Variants in SGCE observed in about 807,000 individuals in gnomAD.
The protein encoded by SGCE is sarcoglycan epsilon.
Under a neutral mutation model 57.8 loss-of-function variants are expected in SGCE, and 26 were observed. The ratio of observed to expected loss-of-function variants is 0.45; its 90% CI spans 0.33 to 0.62. The LOEUF is 0.62. Among genes scored for constraint, SGCE ranks in the 20% least tolerant of loss-of-function variants. The probability of loss-of-function intolerance (pLI) is 0.02; values close to 1 mark genes in which losing one functional copy is unlikely to be tolerated. For missense variants in SGCE, 468 were observed against 548.6 expected (o/e 0.85, Z 1.47); for synonymous variants, 183 against 189.5 (o/e 0.97, Z 0.28).
At chr7:94,620,929 T>G (rs923071787) in intron 4 of SGCE, 29 of 152,356 alleles carry the variant, frequency 1.9e-4, no homozygotes, top group African/African-American at 6.7e-4. Context: ...CCTGCTATAT[T>G]TGGAAATCAC....
chr7:94,610,518 CA>C (rs963394494), intron 5 of SGCE, among the ~76,000 whole-genome samples: 15 of 151,806 alleles, frequency 9.9e-5, no homozygotes, highest in African/African-American at 1.9e-4. Flanking sequence ...AGTATACGCA[CA>C]AAAAAATCAA....
At chr7:94,637,628 C>T (rs1033356823) in intron 1 of SGCE, among the ~76,000 whole-genome samples, 1 of 152,110 alleles carries the variant, frequency 6.6e-6, no homozygotes, top group East Asian at 1.9e-4. Context: ...AAATGCATTT[C>T]CCTGAGAACA....
intron 5 of SGCE, among the ~76,000 whole-genome samples, chr7:94,605,394 AATTG>A (rs1427724671): frequency 4.6e-5 from 7 of 152,190 alleles, no homozygotes; most frequent in African/African-American, 1.4e-4. Context: ...TATTTTTCTT[AATTG>A]ATCTAACAGA....
chr7:94,654,359 A>G (rs1808293293), intron 1 of SGCE, among the ~76,000 whole-genome samples: 1 of 152,184 alleles, frequency 6.6e-6, no homozygotes, highest in Admixed American at 6.5e-5. Flanking sequence ...CTCAATTTTT[A>G]GAAAAATAAT....
At position 94,628,363 on chromosome 7, in the gene SGCE, G is replaced by A. The variant is rs773410465; in HGVS notation, c.233-4C>T. 6.9e-6 allele frequency: 11 copies of A among 1,603,008 alleles called. No homozygotes were observed. Among genetic ancestry groups the A allele is most frequent in the South Asian group, 3.3e-5 (3 of 90,740 alleles). ...ATGGGATCATTACTAATCTCGCCTA[G>A]ATAAGAAACAGAGAATTAAGACATA... On this transcript the variant is annotated splice_region_variant and splice_polypyrimidine_tract_variant and intron_variant, in intron 2 of 10. Coordinates refer to ENST00000648936, the MANE Select transcript of SGCE (RefSeq NM_003919.3).
intron 1 of SGCE, among the ~76,000 whole-genome samples, chr7:94,651,045 G>A (rs1347550738): frequency 6.6e-6 from 1 of 152,106 alleles, no homozygotes; most frequent in African/African-American, 2.4e-5. Context: ...TAATTTTTGT[G>A]ACATATGGAC....
At chr7:94,622,769 G>A (rs1214969040) in intron 4 of SGCE, 3 of 151,992 alleles carry the variant, frequency 2.0e-5, no homozygotes, top group Non-Finnish European at 4.4e-5. Context: ...TACAATTTGA[G>A]CATATGAAAC....
chr7:94,637,156 A>G (rs1805705821), intron 1 of SGCE, among the ~76,000 whole-genome samples: 1 of 152,194 alleles, frequency 6.6e-6, no homozygotes, highest in East Asian at 1.9e-4. Flanking sequence ...AAATTTTCTA[A>G]AAGAGATGAC....
rs1797006598 is a variant in SGCE at position 94,587,076 on chromosome 7, G to T, written c.1298-1561C>A. On this transcript the variant is annotated intron_variant, in intron 10 of 10. Transcript: ENST00000648936. ...CTTTCTTGACTCAAGCAAAATACCT[G>T]CTCCCTAAAATCTGTTTCAGAAAAA... 3 of 984,862 alleles carry T rather than the reference G, an allele frequency of 3.0e-6. No homozygotes were observed. In the South Asian group the frequency reaches 1.4e-4, roughly 46 times the overall value. The allele number at this position is 984,862 out of a possible 1,614,324, so 61.0% of individuals were successfully genotyped here. A position where few individuals can be genotyped will look rare whatever the true frequency, so the allele number is the denominator to read the frequency against.
chr7:94,643,322 T>TCCTG (rs1224319547), intron 1 of SGCE, among the ~76,000 whole-genome samples: 1 of 152,222 alleles, frequency 6.6e-6, no homozygotes, highest in Non-Finnish European at 1.5e-5. Context: ...ACTTTCCAGG[T>TCCTG]CCTGCATAAG....
intron 1 of SGCE, among the ~76,000 whole-genome samples, chr7:94,630,253 G>T (rs1804479950): frequency 6.6e-6 from 1 of 151,564 alleles, no homozygotes; most frequent in African/African-American, 2.4e-5. Flanking sequence ...TTAAAGCAAA[G>T]TACAGAGTAA....
At chr7:94,629,201 T>A (rs1804257099) in intron 2 of SGCE, 1 of 152,976 alleles carries the variant, frequency 6.5e-6, no homozygotes, top group Non-Finnish European at 1.5e-5. Context: ...AAATAACATA[T>A]TTAAACCAAT....
chr7:94,634,840 T>C (rs1046539733), intron 1 of SGCE, among the ~76,000 whole-genome samples: 2 of 152,174 alleles, frequency 1.3e-5, no homozygotes, highest in Non-Finnish European at 2.9e-5. Flanking sequence ...ATAAAATACA[T>C]TCACAAATAA....
intron 5 of SGCE, among the ~76,000 whole-genome samples, chr7:94,614,459 G>A (rs564184366): frequency 7.2e-5 from 11 of 152,242 alleles, no homozygotes; most frequent in African/African-American, 2.4e-4. Flanking sequence ...AGAAGACAAC[G>A]TCTTACATGG....
intron 5 of SGCE, 126 bp downstream of exon 5, chr7:94,618,632 C>A (rs1802296889): frequency 3.9e-6 from 3 of 761,974 alleles, no homozygotes; most frequent in Non-Finnish European, 6.4e-6. Flanking sequence ...ATGTTCATAT[C>A]TTTACAATAT....
chr7:94,613,975 A>G (rs1332706543), intron 5 of SGCE, among the ~76,000 whole-genome samples: 1 of 152,086 alleles, frequency 6.6e-6, no homozygotes, highest in Non-Finnish European at 1.5e-5. Context: ...AGCAAAACAC[A>G]TATAATAAAA....
chr7:94,613,500 T>TG (rs148840734), intron 5 of SGCE, among the ~76,000 whole-genome samples: 2,064 of 152,276 alleles, frequency 0.014, 16 homozygotes, highest in Non-Finnish European at 0.023. Flanking sequence ...TAACAAAACC[T>TG]GGTACTTCAA....
rs1803119343 is a variant in SGCE at position 94,623,301 on chromosome 7, TGATCAAC to T, written c.463+17_463+23del. 1 of 1,395,860 alleles carries T rather than the reference TGATCAAC, an allele frequency of 7.2e-7. No homozygotes were observed. Among genetic ancestry groups the T allele is most frequent in the Non-Finnish European group, 1.0e-6 (1 of 993,722 alleles). 86.5% of individuals were successfully genotyped at this position (1,395,860 alleles called of 1,614,324 possible). On this transcript the variant is annotated intron_variant, in intron 4 of 10. Coordinates refer to ENST00000648936, the MANE Select transcript of SGCE (RefSeq NM_003919.3). ...TGAAATACTTCTTATAAATAAGAAA[TGATCAAC>T]ATATTTTCATACCTACCTTCTGCAG...
chr7:94,634,646 A>G (rs1026234786), intron 1 of SGCE, among the ~76,000 whole-genome samples: 2 of 152,172 alleles, frequency 1.3e-5, no homozygotes, highest in Non-Finnish European at 2.9e-5. Context: ...TGTTTAACAC[A>G]CATAGGGCTC....
Sources: allele counts gnomAD v4.1 joint callset (sites outside exome capture counted in the v4.1 genomes callset), GRCh38; gene constraint gnomAD v4.1.1; transcripts MANE v1.5; gene names NCBI Gene and HGNC (gene_info 2026-07-23, HGNC 2026-07-21).